Variants in NPHP4 observed in about 807,000 individuals in gnomAD.
The protein encoded by NPHP4 is nephrocystin-4.
A neutral mutation model predicts 155.8 loss-of-function variants in NPHP4; 151 were observed. The ratio of observed to expected loss-of-function variants is 0.97; its 90% CI spans 0.85 to 1.11. The LOEUF (loss-of-function observed/expected upper bound fraction) is 1.11, where lower values mean the gene tolerates loss of function less well. NPHP4 is among the 50% of genes least tolerant of loss of function. The pLI, the probability that NPHP4 is intolerant of heterozygous loss-of-function variation, is 0.00. For synonymous variants in NPHP4, 845 were observed against 816.8 expected (o/e 1.03, Z -0.59); for missense variants, 1,956 against 1,925.7 (o/e 1.02, Z -0.29).
At chr1:5,919,082 A>G (rs143221743) in intron 11 of NPHP4, among the ~76,000 whole-genome samples, 23 of 152,356 alleles carry the variant, frequency 1.5e-4, no homozygotes, top group African/African-American at 4.6e-4. Context: ...ACGTCCATTC[A>G]TTAACGTATC....
At chr1:5,927,925 C>T in intron 10 of NPHP4, 138 bp from the exon 11 acceptor site, 1 of 896,940 alleles carries the variant, frequency 1.1e-6, no homozygotes. Flanking sequence ...CACATGTTCT[C>T]AGATTATAAT....
chr1:5,988,178 T>C (rs1371766091), intron 1 of NPHP4, among the ~76,000 whole-genome samples: 2 of 152,248 alleles, frequency 1.3e-5, no homozygotes, highest in Admixed American at 6.5e-5. Context: ...GAAGAGTTCA[T>C]TCACATGGTG....
chr1:5,922,286 G>A (rs1456029284), intron 11 of NPHP4, among the ~76,000 whole-genome samples: 1 of 152,200 alleles, frequency 6.6e-6, no homozygotes, highest in Non-Finnish European at 1.5e-5. Context: ...TTGGACTTCT[G>A]ACCTCCAGAA....
At chr1:5,965,865 G>A (rs962908096) in intron 5 of NPHP4, among the ~76,000 whole-genome samples, 38 of 152,168 alleles carry the variant, frequency 2.5e-4, no homozygotes, top group Non-Finnish European at 3.4e-4. Context: ...CAGAGGCCGA[G>A]AACTTCCCCT....
intron 11 of NPHP4, among the ~76,000 whole-genome samples, chr1:5,926,618 T>C (rs1490693527): frequency 6.6e-6 from 1 of 152,248 alleles, no homozygotes; most frequent in Non-Finnish European, 1.5e-5. Context: ...GAAATGCATG[T>C]GCTGCTTCCA....
intron 6 of NPHP4, among the ~76,000 whole-genome samples, chr1:5,954,350 C>T (rs1648782067): frequency 6.6e-6 from 1 of 152,122 alleles, no homozygotes; most frequent in African/African-American, 2.4e-5. Context: ...AGAATAGTAA[C>T]ATATGAAACT....
Position 5,901,179 on chromosome 1 carries a change from T to TA in NPHP4, c.2143+3437dup, listed in dbSNP as rs1375079051. On this transcript the variant is annotated intron_variant, in intron 16 of 29. Transcript: ENST00000378156. ...TTTTTCTGTAAACCTAAAACTGATC[T>TA]AAAAAAATAAAATTACTAATTTTTA... Among the ~76,000 whole-genome samples, 13 of 152,332 alleles carry TA rather than the reference T, an allele frequency of 8.5e-5. No individual in the cohort carries two copies. In the East Asian group the frequency reaches 1.2e-3, roughly 14 times the overall value.
intron 16 of NPHP4, among the ~76,000 whole-genome samples, chr1:5,901,008 C>A (rs1180580085): frequency 6.6e-6 from 1 of 151,838 alleles, no homozygotes; most frequent in Non-Finnish European, 1.5e-5. Context: ...GCACTCCAGC[C>A]TGGGTGACAG....
At chr1:5,920,625 A>T (rs1349588910) in intron 11 of NPHP4, among the ~76,000 whole-genome samples, 2 of 151,996 alleles carry the variant, frequency 1.3e-5, no homozygotes, top group African/African-American at 4.8e-5. Context: ...ATCTTTACTC[A>T]TTTCATCCTC....
chr1:5,890,618 T>C lies in NPHP4; in HGVS notation c.2304+250A>G, dbSNP rs979976968. On this transcript the variant is annotated intron_variant, in intron 17 of 29. Transcript: ENST00000378156. This position sits in a 1 kb window ranked among gnomAD's most constrained non-coding sequence, Gnocchi z 4.9. Reference sequence around the variant, plus strand: ...CTGGTAGGTCAGTTTGCAGGAGAAATAGATAACTGAGTTTGATCTTAAGAG... The same window carrying C: ...CTGGTAGGTCAGTTTGCAGGAGAAACAGATAACTGAGTTTGATCTTAAGAG... Among the ~76,000 whole-genome samples the C allele has an allele frequency of 2.0e-5, 3 of 152,124 alleles. No homozygotes were observed. The highest frequency in any genetic ancestry group is 4.1e-4 in the South Asian group (2 of 4,828).
At chr1:5,981,495 A>G (rs1654693933) in intron 2 of NPHP4, among the ~76,000 whole-genome samples, 1 of 152,214 alleles carries the variant, frequency 6.6e-6, no homozygotes, top group Admixed American at 6.5e-5. Flanking sequence ...AGTAAATGGG[A>G]CAGTAAAAGA....
In NPHP4 at chr1:5,944,271, C is replaced by T. The variant is rs1271248021; in HGVS notation, c.1119+2833G>A. On this transcript the variant is annotated intron_variant, in intron 9 of 29. Transcript: ENST00000378156. This position sits in a 1 kb window ranked among gnomAD's most constrained non-coding sequence, Gnocchi z 4.3. ...TCCTCACCAAAGACAAGGAGGAGGA[C>T]GCTGCAGCCGGAAGGCACAACCACA... 2.0e-5 allele frequency among the ~76,000 whole-genome samples: 3 copies of T among 152,156 alleles called. No individual in the cohort carries two copies. Among genetic ancestry groups the T allele is most frequent in the Non-Finnish European group, 4.4e-5 (3 of 68,026 alleles).
At chr1:5,943,323 C>G (rs1433370785) in intron 9 of NPHP4, among the ~76,000 whole-genome samples, 1 of 152,266 alleles carries the variant, frequency 6.6e-6, no homozygotes. Context: ...ACTCAGGACC[C>G]AAAGAATACA....
At chr1:5,963,376 C>T (rs886812962) in intron 5 of NPHP4, among the ~76,000 whole-genome samples, 1 of 151,482 alleles carries the variant, frequency 6.6e-6, no homozygotes, top group Non-Finnish European at 1.5e-5. Flanking sequence ...GCCTGGGTGA[C>T]GGAGATTCCA....
At chr1:5,979,393 G>T (rs114088019) in intron 2 of NPHP4, among the ~76,000 whole-genome samples, 1 of 152,080 alleles carries the variant, frequency 6.6e-6, no homozygotes, top group African/African-American at 2.4e-5. Flanking sequence ...GAGAACAAGG[G>T]GGGCATGAGA....
In NPHP4 at chr1:5,952,787, C is replaced by T; in HGVS notation, c.723G>A (p.Leu241=). The change falls in exon 7 of 30, where the codon TTG becomes TTA. Residue 241 remains leucine, a synonymous_variant. Transcript: ENST00000378156. ...GGTACAGGGTGAAGAATAAGTCATC[C>T]AAGTGCCCCGTGATGGGCTTCTGGA... ...PRLQKPITGH[L]DDLFFTLYPS... is the part of the protein sequence containing the mutation. 6.3e-7 allele frequency: 1 copy of T among 1,592,744 alleles called. No individual in the cohort carries two copies. Among genetic ancestry groups the T allele is most frequent in the Non-Finnish European group, 8.6e-7 (1 of 1,169,554 alleles).
At chr1:5,883,699 G>A (rs1643514683) in intron 18 of NPHP4, among the ~76,000 whole-genome samples, 2 of 152,230 alleles carry the variant, frequency 1.3e-5, no homozygotes, top group African/African-American at 4.8e-5. Context: ...AGCCCAGAAT[G>A]CTCCATAGCT....
intron 11 of NPHP4, among the ~76,000 whole-genome samples, chr1:5,922,568 C>T (rs1354413847): frequency 1.3e-5 from 2 of 152,046 alleles, no homozygotes; most frequent in Non-Finnish European, 2.9e-5. Context: ...AAAAAATAAC[C>T]CCAGCATTTT....
rs1307601526 is a variant in NPHP4, at chr1:5,890,574, G to A, written c.2304+294C>T. Among the ~76,000 whole-genome samples, 1 of 152,140 alleles carries A rather than the reference G, an allele frequency of 6.6e-6. No homozygotes were observed. Among genetic ancestry groups the A allele is most frequent in the Non-Finnish European group, 1.5e-5 (1 of 68,028 alleles). On this transcript the variant is annotated intron_variant, in intron 17 of 29. Transcript: ENST00000378156. The surrounding 1 kb of genome is among the most constrained non-coding windows in gnomAD (Gnocchi z 4.9). Reference sequence around the variant, plus strand: ...CCCTCACCACATTCACCACATGGGAGGAGATGAAGTGACACTGCCTGGTAG... The same window carrying A: ...CCCTCACCACATTCACCACATGGGAAGAGATGAAGTGACACTGCCTGGTAG...
Sources: gnomAD v4.1 joint callset for allele counts (sites outside exome capture counted in the v4.1 genomes callset) on GRCh38, gnomAD v4.1.1 for gene constraint, Gnocchi (gnomAD v3.1) non-coding constraint, MANE v1.5 for transcripts, NCBI Gene and HGNC (gene_info 2026-07-23, HGNC 2026-07-21) for gene names.